The following IQSEC1 variants were observed in gnomAD, a reference collection of about 807,000 sequenced individuals.
IQSEC1 encodes IQ motif and Sec7 domain ArfGEF 1.
IQSEC1 carries 31 observed loss-of-function variants against 91.0 expected under a neutral mutation model. The ratio of observed to expected loss-of-function variants is 0.34; its 90% CI spans 0.26 to 0.46. The LOEUF (loss-of-function observed/expected upper bound fraction) is 0.46. IQSEC1 is among the 20% of genes least tolerant of loss of function. The pLI, the probability that IQSEC1 is intolerant of heterozygous loss-of-function variation, is 1.00. For synonymous variants in IQSEC1, 699 were observed against 662.6 expected (o/e 1.05, Z -0.84); for missense variants, 1,388 against 1,575.6 (o/e 0.88, Z 2.02).
intron 1 of IQSEC1, among the ~76,000 whole-genome samples, chr3:13,068,900 C>G (rs1386047822): frequency 6.6e-6 from 1 of 152,236 alleles, no homozygotes; most frequent in Admixed American, 6.5e-5. Context: ...GTGTCCTTCT[C>G]CCCTGCAGTA....
At chr3:12,966,309 T>G (rs1177224518) in intron 1 of IQSEC1, among the ~76,000 whole-genome samples, 1 of 152,200 alleles carries the variant, frequency 6.6e-6, no homozygotes, top group Admixed American at 6.5e-5. Flanking sequence ...GGGAGACATA[T>G]GCATGTTCTC....
At chr3:13,248,577 T>C (rs896065690) in intron 1 of IQSEC1, among the ~76,000 whole-genome samples, 1 of 152,162 alleles carries the variant, frequency 6.6e-6, no homozygotes, top group Non-Finnish European at 1.5e-5. Flanking sequence ...TCCTGGCAGC[T>C]CCAAACCACT....
intron 2 of IQSEC1, among the ~76,000 whole-genome samples, chr3:13,152,354 C>T (rs988682034): frequency 9.2e-5 from 14 of 152,148 alleles, no homozygotes; most frequent in African/African-American, 2.9e-4. Flanking sequence ...AATGGGAAAA[C>T]AGTAAAGAAT....
intron 1 of IQSEC1, among the ~76,000 whole-genome samples, chr3:13,064,802 T>C (rs360875): frequency 0.5 from 76,510 of 152,146 alleles, 19,711 homozygotes; most frequent in East Asian, 0.67. Flanking sequence ...AATATCTGTG[T>C]GGATTCTTGG....
chr3:13,263,862 C>G (rs1306636318), intron 1 of IQSEC1, among the ~76,000 whole-genome samples: 2 of 152,134 alleles, frequency 1.3e-5, no homozygotes, highest in Non-Finnish European at 2.9e-5. Flanking sequence ...TGCTGGTGAC[C>G]TCAGCCAAGC....
intron 1 of IQSEC1, among the ~76,000 whole-genome samples, chr3:13,264,446 TC>T: frequency 1.3e-5 from 2 of 152,268 alleles, no homozygotes; most frequent in Admixed American, 1.3e-4. Flanking sequence ...TCGCCTGGGT[TC>T]CTGTTCTAGT....
At chr3:13,176,092 A>T (rs897093951) in intron 1 of IQSEC1, among the ~76,000 whole-genome samples, 8 of 152,138 alleles carry the variant, frequency 5.3e-5, no homozygotes, top group African/African-American at 1.9e-4. Flanking sequence ...CTCTGGGGAC[A>T]CTCAAGCAAC....
intron 2 of IQSEC1, among the ~76,000 whole-genome samples, chr3:13,142,859 G>A (rs568566056): frequency 2.0e-4 from 31 of 152,294 alleles, no homozygotes; most frequent in Admixed American, 5.2e-4. Context: ...TTTACCATCC[G>A]GCTATTGCCT....
intron 1 of IQSEC1, among the ~76,000 whole-genome samples, chr3:13,204,390 C>T (rs997508916): frequency 1.3e-5 from 2 of 152,284 alleles, no homozygotes; most frequent in African/African-American, 2.4e-5. Flanking sequence ...GAGCACCGCC[C>T]CACATCGGCC....
chr3:13,027,675 G>A (rs1018906947), intron 1 of IQSEC1, among the ~76,000 whole-genome samples: 2 of 152,168 alleles, frequency 1.3e-5, no homozygotes, highest in Admixed American at 6.5e-5. Context: ...CTGGAAAAAT[G>A]GAGGTTCCAT....
intron 1 of IQSEC1, among the ~76,000 whole-genome samples, chr3:13,242,777 G>A (rs1392574468): frequency 2.0e-5 from 3 of 152,078 alleles, no homozygotes; most frequent in Non-Finnish European, 1.5e-5. Flanking sequence ...CAGGCTTCAC[G>A]TCACCGGGAC....
chr3:13,244,957 G>A (rs1317603458), intron 1 of IQSEC1, among the ~76,000 whole-genome samples: 2 of 152,182 alleles, frequency 1.3e-5, no homozygotes, highest in Admixed American at 6.5e-5. Flanking sequence ...CTCAATGGAG[G>A]CACGCAAATG....
rs538923219 is a variant in IQSEC1, at chr3:13,263,849, G to A, written c.272+18862C>T. ...TCCTGGAGCGCCGGGCTGGGCGCAC[G>A]CTTGCTGGTGACCTCAGCCAAGCTC... On this transcript the variant is annotated intron_variant, in intron 1 of 15. Coordinates refer to the IQSEC1 transcript ENST00000648114. Among the ~76,000 whole-genome samples, 6 of 152,114 alleles carry A rather than the reference G, an allele frequency of 3.9e-5. No individual in the cohort carries two copies. In the East Asian group the frequency reaches 5.8e-4, roughly 15 times the overall value.
chr3:12,967,600 C>A lies in IQSEC1; in HGVS notation c.24-25735G>T. 7 of 1,265,086 alleles carry A rather than the reference C, an allele frequency of 5.5e-6. No individual in the cohort carries two copies. Among genetic ancestry groups the A allele is most frequent in the Non-Finnish European group, 6.9e-6 (7 of 1,007,850 alleles). The allele number at this position is 1,265,086 out of a possible 1,614,324, so 78.4% of individuals were successfully genotyped here. On this transcript the variant is annotated intron_variant, in intron 1 of 13. Coordinates refer to ENST00000613206, the MANE Select transcript of IQSEC1 (RefSeq NM_001134382.3). The surrounding 1 kb of genome is among the most constrained non-coding windows in gnomAD (Gnocchi z 5.9). ...CCCGCCACGCGATCACGTCGGGGCT[C>A]CTGGTCCAGCGTCCGCCGGCTCCCG...
chr3:13,115,945 T>A (rs1032814307), intron 2 of IQSEC1, among the ~76,000 whole-genome samples: 1 of 152,200 alleles, frequency 6.6e-6, no homozygotes, highest in African/African-American at 2.4e-5. Context: ...ATCGGAAGCA[T>A]CAGGGAGCCC....
At chr3:12,974,457 G>A (rs886631341) in intron 1 of IQSEC1, among the ~76,000 whole-genome samples, 3 of 152,260 alleles carry the variant, frequency 2.0e-5, no homozygotes, top group Non-Finnish European at 4.4e-5. Context: ...CCCCTGCAGA[G>A]CCTAGTTGGG....
intron 2 of IQSEC1, among the ~76,000 whole-genome samples, chr3:13,106,352 A>G (rs1706151826): frequency 6.6e-6 from 1 of 152,170 alleles, no homozygotes; most frequent in Admixed American, 6.5e-5. Flanking sequence ...CTTGGGACCC[A>G]GGACCCTGGA....
intron 1 of IQSEC1, among the ~76,000 whole-genome samples, chr3:13,248,202 T>C (rs1695138984): frequency 2.0e-5 from 3 of 152,110 alleles, no homozygotes; most frequent in South Asian, 2.1e-4. Flanking sequence ...CCCTATTGTG[T>C]CCCCAAGGCC....
At chr3:13,046,894 C>T (rs1704516610) in intron 1 of IQSEC1, among the ~76,000 whole-genome samples, 1 of 152,246 alleles carries the variant, frequency 6.6e-6, no homozygotes, top group South Asian at 2.1e-4. Flanking sequence ...GCCCACGAGA[C>T]TGGAACAAGG....
Sources: allele counts gnomAD v4.1 joint callset (sites outside exome capture counted in the v4.1 genomes callset), GRCh38; gene constraint gnomAD v4.1.1; non-coding constraint Gnocchi (gnomAD v3.1); transcripts MANE v1.5; gene names NCBI Gene and HGNC (gene_info 2026-07-23, HGNC 2026-07-21).